R3HDM4: variants seen among roughly 807,000 people sequenced by gnomAD.
R3HDM4 encodes R3H domain-containing protein 4.
A neutral mutation model predicts 31.3 loss-of-function variants in R3HDM4; 30 were observed. The observed-to-expected ratio is 0.96, with a 90% CI of 0.72 to 1.30. The LOEUF (loss-of-function observed/expected upper bound fraction) is 1.30, where lower values mean the gene tolerates loss of function less well. Ranked by LOEUF, R3HDM4 falls within the 50% of genes most tolerant of loss-of-function variation. The probability of loss-of-function intolerance (pLI) is 0.00; values close to 1 mark genes in which losing one functional copy is unlikely to be tolerated. For missense variants in R3HDM4, 444 were observed against 366.1 expected (o/e 1.21, Z -1.74); for synonymous variants, 196 against 156.6 (o/e 1.25, Z -1.88).
At chr19:902,226 G>T in intron 1 of R3HDM4, 96 bp from the exon 2 acceptor site, 2 of 1,369,078 alleles carry the variant, frequency 1.5e-6, no homozygotes, top group Non-Finnish European at 2.0e-6. Flanking sequence ...GTTTCCCCCA[G>T]CAATGGAGAG....
At chr19:901,733 A>G (rs759915770) in intron 2 of R3HDM4, 187 bp from the exon 3 acceptor site, 19 of 895,828 alleles carry the variant, frequency 2.1e-5, no homozygotes, top group Non-Finnish European at 3.0e-5. Flanking sequence ...GAACTCCTAT[A>G]TATCCTTTAA....
chr19:900,799 C>CCCCCCAA, intron 4 of R3HDM4, 30 bp downstream of exon 4: 2 of 1,369,932 alleles, frequency 1.5e-6, no homozygotes, highest in Non-Finnish European at 2.0e-6. Flanking sequence ...ACCCTGGCCC[C>CCCCCCAA]ACCCATACCC....
Position 901,543 on chromosome 19 carries a change from T to G in R3HDM4, c.230A>C (p.Gln77Pro). 6.2e-7 allele frequency: 1 copy of G among 1,603,230 alleles called. No homozygotes were observed. Among genetic ancestry groups the G allele is most frequent in the Non-Finnish European group, 8.5e-7 (1 of 1,178,586 alleles). Reference protein sequence around the residue: ...RKSLQRLENTQYLLTLLETDG... With the variant: ...RKSLQRLENTPYLLTLLETDG... ...TGTCTCCAGCAGGGTCAGGAGGTACTGGGCTAGGTGGAAACAGATGCTCTC... is the reference window on the plus strand; with the variant it reads ...TGTCTCCAGCAGGGTCAGGAGGTACGGGGCTAGGTGGAAACAGATGCTCTC... Residue 77 changes from glutamine (Q) to proline (P), a missense_variant, in exon 3 of 8, where the codon CAG becomes CCG. By Grantham distance (76) the Gln-to-Pro change is moderately conservative. Coordinates refer to ENST00000361574, the MANE Select transcript of R3HDM4 (RefSeq NM_138774.4).
chr19:911,730 C>A (rs372620296), intron 1 of R3HDM4, among the ~76,000 whole-genome samples: 2 of 151,690 alleles, frequency 1.3e-5, no homozygotes, highest in Non-Finnish European at 3.0e-5. Context: ...CACCCTGGGT[C>A]CCCGGGTCCC....
intron 1 of R3HDM4, among the ~76,000 whole-genome samples, chr19:904,123 C>T (rs368468576): frequency 6.6e-6 from 1 of 152,184 alleles, no homozygotes; most frequent in Non-Finnish European, 1.5e-5. Context: ...CAGGGCTGAC[C>T]ATGGCCTCCA....
chr19:901,346 G>T, intron 3 of R3HDM4, 76 bp downstream of exon 3: 1 of 1,488,890 alleles, frequency 6.7e-7, no homozygotes, highest in Non-Finnish European at 9.1e-7. Context: ...CGGGGGACGG[G>T]CACAGGCGAT....
rs1189523122 is a variant in R3HDM4 at position 900,917 on chromosome 19, C to T, written c.387G>A (p.Glu129=). ...WNDFMNRSGE[E]QERVLRYLED... is the part of the protein sequence containing the mutation. ...CCAGGTAGCGAAGAACCCGCTCCTG[C>T]TCCTCCCCGGAGCGGTTCATGAAAT... Residue 129 remains glutamate, a synonymous_variant, in exon 4 of 8, where the codon GAG becomes GAA. Transcript: ENST00000361574. 14 of 1,609,348 alleles carry T rather than the reference C, an allele frequency of 8.7e-6. No homozygotes were observed. The East Asian group carries it at 3.1e-4, about 36-fold the overall frequency.
intron 7 of R3HDM4, among the ~76,000 whole-genome samples, chr19:898,977 C>T (rs763406640): frequency 5.9e-5 from 9 of 152,260 alleles, no homozygotes; most frequent in African/African-American, 1.2e-4. Context: ...ACGTTCACTA[C>T]GGGGGTGAGT....
chr19:903,577 G>T (rs1044198892), intron 1 of R3HDM4, among the ~76,000 whole-genome samples: 1 of 152,230 alleles, frequency 6.6e-6, no homozygotes, highest in Non-Finnish European at 1.5e-5. Flanking sequence ...GGGGCCTCAT[G>T]GATGGGGACT....
intron 1 of R3HDM4, among the ~76,000 whole-genome samples, chr19:911,714 GGGGCGCACCCT>G (rs1247004207): frequency 4.9e-4 from 74 of 152,252 alleles, no homozygotes; most frequent in African/African-American, 1.8e-3. Flanking sequence ...ACGGACCCCA[GGGGCGCACCCT>G]GGGTCCCCGG....
chr19:908,905 G>GC (rs1198415570), intron 1 of R3HDM4, among the ~76,000 whole-genome samples: 3 of 152,104 alleles, frequency 2.0e-5, no homozygotes, highest in South Asian at 2.1e-4. Flanking sequence ...GCCCACCGCC[G>GC]CCCCCCGGTC....
intron 2 of R3HDM4, 141 bp downstream of exon 2, chr19:901,835 C>T: frequency 9.0e-7 from 1 of 1,105,286 alleles, no homozygotes; most frequent in South Asian, 1.4e-5. Context: ...TATATGGTCC[C>T]CCGGCCTACA....
chr19:904,257 C>T (rs892604725), intron 1 of R3HDM4, among the ~76,000 whole-genome samples: 2 of 152,174 alleles, frequency 1.3e-5, no homozygotes, highest in South Asian at 2.1e-4. Context: ...CACGATTTCC[C>T]GTCCCGCCTC....
rs566467374 is a variant in R3HDM4, at chr19:901,257, G to C, written c.351+165C>G. 5 of 772,390 alleles carry C rather than the reference G, an allele frequency of 6.5e-6. No homozygotes were observed. The African/African-American group carries it at 8.8e-5, about 14-fold the overall frequency. The allele number at this position is 772,390 out of a possible 1,614,324, so 47.8% of individuals were successfully genotyped here. ...TCGAAGGTTCCAGGGGTGGGGTGGG[G>C]ATTCTGGCCTGGTCTGGGGACCCCG... On this transcript the variant is annotated intron_variant, in intron 3 of 7. Coordinates refer to ENST00000361574, the MANE Select transcript of R3HDM4 (RefSeq NM_138774.4).
At chr19:911,187 T>C (rs755784444) in intron 1 of R3HDM4, among the ~76,000 whole-genome samples, 8 of 152,122 alleles carry the variant, frequency 5.3e-5, no homozygotes, top group Non-Finnish European at 1.2e-4. Flanking sequence ...GGCTCACGCC[T>C]GTAATCCCAG....
rs2036835282 is a variant in R3HDM4 at position 901,422 on chromosome 19, C to G, written c.351G>C (p.Glu117Asp). 1.9e-6 allele frequency: 3 copies of G among 1,604,944 alleles called. No homozygotes were observed. The highest frequency in any genetic ancestry group is 1.1e-5 in the South Asian group (1 of 90,484). The change falls in exon 3 of 8, where the codon GAG becomes GAC. Residue 117 changes from glutamate to aspartate, a missense_variant and splice_region_variant. By Grantham distance (45) the Glu-to-Asp change is conservative. Coordinates refer to ENST00000361574, the MANE Select transcript of R3HDM4 (RefSeq NM_138774.4). ...AEACNNATYV[E>D]VWNDFMNRSG... ...GGAGTGAGGGGGTTGGGGGCCACAC[C>G]TCCACATAGGTGGCGTTGTTGCAGG...
chr19:909,178 C>A (rs1055708250), intron 1 of R3HDM4, among the ~76,000 whole-genome samples: 8 of 152,222 alleles, frequency 5.3e-5, no homozygotes, highest in African/African-American at 1.9e-4. Flanking sequence ...GGCCTCCCGG[C>A]CACTCCCAAT....
intron 7 of R3HDM4, among the ~76,000 whole-genome samples, chr19:898,241 T>C (rs1443202708): frequency 5.7e-5 from 8 of 140,310 alleles, no homozygotes; most frequent in Non-Finnish European, 1.1e-4. Context: ...TATATATATA[T>C]ATATATACAA....
chr19:899,672 G>C lies in R3HDM4; in HGVS notation c.576C>G (p.Thr192=), dbSNP rs1304281749. 1 of 1,595,386 alleles carries C rather than the reference G, an allele frequency of 6.3e-7. No individual in the cohort carries two copies. ...AGAACCGAAGCAGCCGCTCCTCCCA[G>C]GTCTCCAGCGTTTCCTGGGGAGAGC... ...RSRIPMETLE[T]WEERLLRFFS... The change falls in exon 6 of 8, where the codon ACC becomes ACG. Residue 192 remains threonine, a synonymous_variant. Coordinates refer to ENST00000361574, the MANE Select transcript of R3HDM4 (RefSeq NM_138774.4). This position sits in a 1 kb window ranked among gnomAD's most constrained non-coding sequence, Gnocchi z 6.8.
Sources: gnomAD v4.1 joint callset for allele counts (sites outside exome capture counted in the v4.1 genomes callset) on GRCh38, gnomAD v4.1.1 for gene constraint, Gnocchi (gnomAD v3.1) non-coding constraint, MANE v1.5 for transcripts, NCBI Gene and HGNC (gene_info 2026-07-23, HGNC 2026-07-21) for gene names.